The following NFKB1 variants were observed in gnomAD, a reference collection of about 807,000 sequenced individuals.
NFKB1 encodes nuclear factor kappa B subunit 1.
In NFKB1, 9 loss-of-function variants were observed where a neutral mutation model predicts 105.1. That is an observed-to-expected ratio of 0.09 (90% CI 0.05 to 0.15). The LOEUF (loss-of-function observed/expected upper bound fraction) is 0.15, where lower values mean the gene tolerates loss of function less well. Ranked by LOEUF, NFKB1 falls within the 10% of genes least tolerant of loss-of-function variation. NFKB1 has a pLI of 1.00. For missense variants in NFKB1, 830 were observed against 1,203.7 expected, an observed-to-expected ratio of 0.69 and a Z score of 4.59; for synonymous variants, 440 against 442.2, an observed-to-expected ratio of 1.00 and a Z score of 0.06.
rs183024565 is a variant in NFKB1 at position 102,525,682 on chromosome 4, A to G, written c.39+125A>G. ...AATTAGTAAATTTTTTTTTAATTTC[A>G]GTTTCTCTGTCCTTTCATGTGAAGT... On this transcript the variant is annotated intron_variant, in intron 2 of 23. Coordinates refer to ENST00000226574, the MANE Select transcript of NFKB1 (RefSeq NM_003998.4). The G allele has an allele frequency of 4.9e-6, 4 of 809,322 alleles. No homozygotes were observed. The Admixed American group carries it at 8.2e-5, about 17-fold the overall frequency. The allele number at this position is 809,322 out of a possible 1,614,324, so 50.1% of individuals were successfully genotyped here. A position where few individuals can be genotyped will look rare whatever the true frequency, so the allele number is the denominator to read the frequency against.
intron 15 of NFKB1, among the ~76,000 whole-genome samples, chr4:102,598,490 CTTTAGGAA>C (rs4648076): frequency 7.9e-5 from 12 of 152,280 alleles, no homozygotes; most frequent in Admixed American, 4.6e-4. Context: ...AAACCAAGCA[CTTTAGGAA>C]AGTAACAACC....
At chr4:102,553,295 T>TA (rs368034887) in intron 5 of NFKB1, among the ~76,000 whole-genome samples, 1 of 152,216 alleles carries the variant, frequency 6.6e-6, no homozygotes, top group African/African-American at 2.4e-5. Context: ...ATAGATTTTC[T>TA]AAGCAAGAAA....
At chr4:102,532,176 CT>C (rs1270643428) in intron 3 of NFKB1, among the ~76,000 whole-genome samples, 1 of 151,908 alleles carries the variant, frequency 6.6e-6, no homozygotes, top group Non-Finnish European at 1.5e-5. Flanking sequence ...TGACCAGTGA[CT>C]CCCCCTTTTT....
chr4:102,537,943 A>G lies in NFKB1; in HGVS notation c.245A>G (p.Tyr82Cys). The G allele has an allele frequency of 6.2e-7, 1 of 1,605,924 alleles. No individual in the cohort carries two copies. The change falls in exon 5 of 24, where the codon TAC (tyrosine) becomes TGC (cysteine). Residue 82 changes from tyrosine (Y) to cysteine (C), a missense_variant. Transcript: ENST00000226574. ...TCTAGTGAAAAGAACAAGAAGTCTTACCCTCAGGTCAAAGTAAGTTTGTGG... is the reference window on the plus strand; with the variant it reads ...TCTAGTGAAAAGAACAAGAAGTCTTGCCCTCAGGTCAAAGTAAGTTTGTGG... ...GASSEKNKKS[Y>C]PQVKICNYVG...
At chr4:102,612,744 AC>A in intron 22 of NFKB1, 138 bp downstream of exon 22, 1 of 760,260 alleles carries the variant, frequency 1.3e-6, no homozygotes, top group Non-Finnish European at 2.0e-6. Flanking sequence ...TGGGAGGGTG[AC>A]CCAGGCCAAG....
At chr4:102,615,513 A>G (rs4648135) in intron 23 of NFKB1, among the ~76,000 whole-genome samples, 12,615 of 152,320 alleles carry the variant, frequency 0.083, 689 homozygotes, top group African/African-American at 0.16. Context: ...GGAATAATGT[A>G]TCCGCCGGAA....
At chr4:102,563,396 G>A (rs1456268680) in intron 5 of NFKB1, among the ~76,000 whole-genome samples, 1 of 151,916 alleles carries the variant, frequency 6.6e-6, no homozygotes, top group Non-Finnish European at 1.5e-5. Flanking sequence ...GGAAATAGAA[G>A]TGACCTAAAT....
intron 5 of NFKB1, among the ~76,000 whole-genome samples, chr4:102,564,094 A>G (rs1473473623): frequency 6.6e-6 from 1 of 152,164 alleles, no homozygotes; most frequent in Non-Finnish European, 1.5e-5. Context: ...TGCTGGGATT[A>G]CAGGCATGAG....
rs1728955785 is a variant in NFKB1, at chr4:102,616,520, G to C, written c.2836G>C (p.Gly946Arg). 2.5e-6 allele frequency: 4 copies of C among 1,614,090 alleles called. No homozygotes were observed. The East Asian group carries it at 8.9e-5, about 36-fold the overall frequency. The change falls in exon 24 of 24, where the codon GGT (glycine) becomes CGT (arginine). Residue 946 changes from glycine to arginine, a missense_variant. Physicochemically the swap from Gly to Arg is moderately radical, Grantham distance 125 (BLOSUM62 -2). Transcript: ENST00000226574. Reference sequence around the variant, plus strand: ...CAGCTTTACCGAGTCTCTGACCAGTGGTGCCTCACTGCTAACTCTCAACAA... The same window carrying C: ...CAGCTTTACCGAGTCTCTGACCAGTCGTGCCTCACTGCTAACTCTCAACAA... The part of the protein sequence containing the change: ...KLSFTESLTS[G>R]ASLLTLNKMP...
intron 12 of NFKB1, among the ~76,000 whole-genome samples, chr4:102,594,542 C>T (rs1354389840): frequency 6.6e-6 from 1 of 152,032 alleles, no homozygotes; most frequent in South Asian, 2.1e-4. Context: ...AAGTTTTTTT[C>T]CTCAAGGGGT....
intron 5 of NFKB1, among the ~76,000 whole-genome samples, chr4:102,557,433 A>G (rs1161975049): frequency 6.6e-6 from 1 of 152,168 alleles, no homozygotes; most frequent in Non-Finnish European, 1.5e-5. Context: ...CTTACTCCAA[A>G]GCCTGTGCTC....
At chr4:102,611,721 G>C (rs1728432904) in intron 20 of NFKB1, among the ~76,000 whole-genome samples, 1 of 152,186 alleles carries the variant, frequency 6.6e-6, no homozygotes, top group Non-Finnish European at 1.5e-5. Flanking sequence ...CTCTGAGCAG[G>C]AGATGATTGA....
chr4:102,537,665 A>G (rs1188581753), intron 4 of NFKB1, 193 bp from the exon 5 acceptor site: 9 of 460,856 alleles, frequency 2.0e-5, no homozygotes, highest in Non-Finnish European at 3.2e-5. Context: ...GTGTACAAAT[A>G]TCAATTAATA....
intron 20 of NFKB1, 42 bp from the exon 21 acceptor site, chr4:102,612,002 C>T (rs1051609451): frequency 8.5e-6 from 13 of 1,526,326 alleles, no homozygotes; most frequent in Non-Finnish European, 1.2e-5. Flanking sequence ...CCTAGTGGTC[C>T]CTTCGATGTA....
chr4:102,578,815 A>G (rs1725077847), intron 7 of NFKB1, 66 bp from the exon 8 acceptor site: 3 of 1,527,120 alleles, frequency 2.0e-6, no homozygotes, highest in Non-Finnish European at 2.7e-6. Context: ...TGGGCTTTAT[A>G]AAAGCATGGT....
At chr4:102,527,248 T>C (rs1183312667) in intron 2 of NFKB1, among the ~76,000 whole-genome samples, 1 of 152,174 alleles carries the variant, frequency 6.6e-6, no homozygotes, top group Non-Finnish European at 1.5e-5. Context: ...CAGAGCGGGA[T>C]AGAAATGTTA....
intron 6 of NFKB1, among the ~76,000 whole-genome samples, chr4:102,568,096 A>G (rs1392990411): frequency 6.6e-6 from 1 of 152,196 alleles, no homozygotes; most frequent in Admixed American, 6.5e-5. Flanking sequence ...TGTTTAAATC[A>G]ACTATAATTA....
chr4:102,539,930 A>G (rs1741890729), intron 5 of NFKB1, among the ~76,000 whole-genome samples: 1 of 152,136 alleles, frequency 6.6e-6, no homozygotes, highest in South Asian at 2.1e-4. Flanking sequence ...AAAACAAGGG[A>G]GAGAGAGGCT....
intron 3 of NFKB1, among the ~76,000 whole-genome samples, chr4:102,532,583 G>C (rs1741369451): frequency 6.6e-6 from 1 of 152,096 alleles, no homozygotes; most frequent in African/African-American, 2.4e-5. Flanking sequence ...AGCCGAGATT[G>C]TGCCATGGCA....
Sources: allele counts gnomAD v4.1 joint callset (sites outside exome capture counted in the v4.1 genomes callset), GRCh38; gene constraint gnomAD v4.1.1; transcripts MANE v1.5; gene names NCBI Gene and HGNC (gene_info 2026-07-23, HGNC 2026-07-21).